The following REEP3 variants were observed in gnomAD, a reference collection of about 807,000 sequenced individuals.
REEP3 encodes the protein receptor accessory protein 3.
In REEP3, 20 loss-of-function variants were observed where a neutral mutation model predicts 41.3. That is an observed-to-expected ratio of 0.48 (90% CI 0.34 to 0.70). REEP3 has a LOEUF of 0.70. Ranked by LOEUF, REEP3 falls within the 30% of genes least tolerant of loss-of-function variation. REEP3 has a pLI of 0.01. For missense variants in REEP3, 271 were observed against 308.8 expected (o/e 0.88, Z 0.92); for synonymous variants, 104 against 101.8 (o/e 1.02, Z -0.13).
chr10:63,540,548 A>G (rs1367504990), intron 1 of REEP3, among the ~76,000 whole-genome samples: 1 of 152,192 alleles, frequency 6.6e-6, no homozygotes, highest in African/African-American at 2.4e-5. Context: ...GAAGGGAGGA[A>G]GGAAGCTTGA....
rs16918671 is a variant in REEP3 at position 63,603,716 on chromosome 10, C to G, written c.417+4433C>G. On this transcript the variant is annotated intron_variant, in intron 5 of 7. Coordinates refer to ENST00000373758, the MANE Select transcript of REEP3 (RefSeq NM_001001330.3). ...TATGTAAGGTAACCTTCATTATTCT[C>G]ATGAGTACCGGAATGTTGGAGACCC... Among the ~76,000 whole-genome samples the G allele has an allele frequency of 1.7e-3, 260 of 152,266 alleles. 6 individuals are homozygous for G. The East Asian group carries it at 0.043, about 25-fold the overall frequency.
chr10:63,528,723 A>AGTGATCTCCAACACAGTGGAGATCT (rs1220055011), intron 1 of REEP3, among the ~76,000 whole-genome samples: 2 of 152,198 alleles, frequency 1.3e-5, no homozygotes, highest in African/African-American at 4.8e-5. Flanking sequence ...CTCCAGCCAC[A>AGTGATCTCCAACACAGTGGAGATCT]GTGATCTCCA....
At chr10:63,559,500 T>G (rs529398407) in intron 1 of REEP3, among the ~76,000 whole-genome samples, 1 of 152,208 alleles carries the variant, frequency 6.6e-6, no homozygotes, top group Non-Finnish European at 1.5e-5. Context: ...AAAGAGCACG[T>G]TGGCAGAGGA....
chr10:63,529,848 G>A (rs966062865), intron 1 of REEP3, among the ~76,000 whole-genome samples: 2 of 150,304 alleles, frequency 1.3e-5, no homozygotes, highest in Non-Finnish European at 1.5e-5. Context: ...GCGCAATCTC[G>A]GCTCAATGCA....
At chr10:63,594,701 A>G in intron 2 of REEP3, 77 bp from the exon 3 acceptor site, 1 of 834,608 alleles carries the variant, frequency 1.2e-6, no homozygotes, top group Non-Finnish European at 2.0e-6. Flanking sequence ...ATCCAGAAAT[A>G]CATACATACA....
chr10:63,611,315 G>A (rs1956275674), intron 6 of REEP3, among the ~76,000 whole-genome samples: 1 of 152,162 alleles, frequency 6.6e-6, no homozygotes, highest in Non-Finnish European at 1.5e-5. Flanking sequence ...TAAGGATATT[G>A]ACTCACAGAT....
intron 1 of REEP3, among the ~76,000 whole-genome samples, chr10:63,551,640 G>A (rs753782905): frequency 2.0e-5 from 3 of 152,082 alleles, no homozygotes; most frequent in Non-Finnish European, 4.4e-5. Flanking sequence ...GTCCCTAATT[G>A]AGGGACATTC....
At chr10:63,612,838 A>G (rs1956286468) in intron 6 of REEP3, among the ~76,000 whole-genome samples, 1 of 152,112 alleles carries the variant, frequency 6.6e-6, no homozygotes, top group African/African-American at 2.4e-5. Context: ...AGTCTGCTAC[A>G]TATATTATAT....
intron 1 of REEP3, among the ~76,000 whole-genome samples, chr10:63,522,277 T>C (rs570564175): frequency 1.3e-4 from 19 of 151,740 alleles, no homozygotes; most frequent in Non-Finnish European, 2.7e-4. Flanking sequence ...GGCGGAAATA[T>C]TTGCTAAGTG....
At chr10:63,563,287 A>C (rs75739518) in intron 1 of REEP3, among the ~76,000 whole-genome samples, 1,693 of 152,334 alleles carry the variant, frequency 0.011, 40 homozygotes, top group African/African-American at 0.039. Flanking sequence ...ATTGATTAAC[A>C]TATAAAATAG....
At chr10:63,561,212 C>T (rs1471510342) in intron 1 of REEP3, among the ~76,000 whole-genome samples, 1 of 152,104 alleles carries the variant, frequency 6.6e-6, no homozygotes, top group Non-Finnish European at 1.5e-5. Flanking sequence ...CTTTGGAAGC[C>T]AGTTACATAC....
intron 4 of REEP3, 127 bp downstream of exon 4, chr10:63,598,271 G>A: frequency 1.9e-6 from 1 of 536,330 alleles, no homozygotes; most frequent in Non-Finnish European, 3.2e-6. Context: ...CTGGAGGCCA[G>A]GAATATGAGA....
chr10:63,599,524 T>G, intron 5 of REEP3: 1 of 287,880 alleles, frequency 3.5e-6, no homozygotes, highest in Non-Finnish European at 5.8e-6. Context: ...GAAAATGTCA[T>G]TTAGTCATAA....
intron 2 of REEP3, among the ~76,000 whole-genome samples, chr10:63,593,186 A>C (rs1035355392): frequency 6.6e-6 from 1 of 152,252 alleles, no homozygotes; most frequent in African/African-American, 2.4e-5. Flanking sequence ...TATTTGAGTT[A>C]TCATTTTATA....
chr10:63,582,397 T>TC, intron 2 of REEP3, among the ~76,000 whole-genome samples: 1 of 152,302 alleles, frequency 6.6e-6, no homozygotes, highest in African/African-American at 2.4e-5. Context: ...ACCACATGAT[T>TC]CCTATCCACA....
At chr10:63,548,726 G>GA (rs931544299) in intron 1 of REEP3, among the ~76,000 whole-genome samples, 43 of 147,904 alleles carry the variant, frequency 2.9e-4, no homozygotes, top group East Asian at 2.3e-3. Context: ...CCCTCCCATT[G>GA]AAAAAAAAAA....
intron 1 of REEP3, among the ~76,000 whole-genome samples, chr10:63,545,387 A>AT (rs1169748698): frequency 2.6e-5 from 4 of 151,608 alleles, no homozygotes; most frequent in Non-Finnish European, 4.4e-5. Flanking sequence ...TTATTTATTT[A>AT]TTTTTTTTGA....
chr10:63,597,844 C>T (rs1271823620), intron 3 of REEP3, among the ~76,000 whole-genome samples, 180 bp from the exon 4 acceptor site: 11 of 149,968 alleles, frequency 7.3e-5, no homozygotes, highest in South Asian at 2.1e-4. Flanking sequence ...ACCCAGGAGG[C>T]GGAGGTTGCA....
intron 1 of REEP3, among the ~76,000 whole-genome samples, chr10:63,545,153 T>G (rs1955565214): frequency 6.6e-6 from 1 of 152,246 alleles, no homozygotes; most frequent in East Asian, 1.9e-4. Flanking sequence ...TTATGGGTAC[T>G]TGTTTCTTTG....
Sources: gnomAD v4.1 joint callset for allele counts (sites outside exome capture counted in the v4.1 genomes callset) on GRCh38, gnomAD v4.1.1 for gene constraint, MANE v1.5 for transcripts, NCBI Gene and HGNC (gene_info 2026-07-23, HGNC 2026-07-21) for gene names.